The following BCAT1 variants were observed in gnomAD, a reference collection of about 807,000 sequenced individuals.
BCAT1 encodes branched chain amino acid transaminase 1.
Under a neutral mutation model 52.4 loss-of-function variants are expected in BCAT1, and 48 were observed. The ratio of observed to expected loss-of-function variants is 0.92; its 90% confidence interval spans 0.73 to 1.16. The LOEUF (loss-of-function observed/expected upper bound fraction) is 1.16. Ranked by LOEUF, BCAT1 falls within the 50% of genes most tolerant of loss-of-function variation. The probability of loss-of-function intolerance (pLI) is 0.00; values close to 1 mark genes in which losing one functional copy is unlikely to be tolerated. For synonymous variants in BCAT1, 167 were observed against 161.3 expected, an observed-to-expected ratio of 1.04 and a Z score of -0.27; for missense variants, 451 against 457.1, an observed-to-expected ratio of 0.99 and a Z score of 0.12.
At chr12:24,917,166 A>G (rs1397418184) in intron 1 of BCAT1, among the ~76,000 whole-genome samples, 1 of 149,518 alleles carries the variant, frequency 6.7e-6, no homozygotes, top group Non-Finnish European at 1.5e-5. Flanking sequence ...ATCTGCATGA[A>G]TGCATCAGTT....
intron 1 of BCAT1, among the ~76,000 whole-genome samples, chr12:24,940,862 C>CA (rs1343867518): frequency 6.6e-6 from 1 of 152,124 alleles, no homozygotes; most frequent in Non-Finnish European, 1.5e-5. Context: ...AGTAAAAGCC[C>CA]AAAATGACCT....
intron 8 of BCAT1, among the ~76,000 whole-genome samples, chr12:24,836,232 G>A (rs1940917963): frequency 1.3e-5 from 2 of 152,106 alleles, no homozygotes. Context: ...GACAAAAGTT[G>A]GTGGGAGATA....
At chr12:24,865,084 T>C (rs191579255) in intron 5 of BCAT1, among the ~76,000 whole-genome samples, 2 of 152,220 alleles carry the variant, frequency 1.3e-5, no homozygotes, top group Admixed American at 1.3e-4. Context: ...TCTTTTCATC[T>C]CTATCTACAG....
intron 5 of BCAT1, among the ~76,000 whole-genome samples, chr12:24,854,959 C>A (rs1941627376): frequency 6.6e-6 from 1 of 152,226 alleles, no homozygotes; most frequent in Non-Finnish European, 1.5e-5. Context: ...AGCGGGGATA[C>A]CTCTTAGGGA....
intron 1 of BCAT1, among the ~76,000 whole-genome samples, chr12:24,922,163 CT>C (rs1167853548): frequency 1.3e-5 from 2 of 151,900 alleles, no homozygotes; most frequent in African/African-American, 2.4e-5. Context: ...AAGATTGTTC[CT>C]TTTTTTTGAG....
chr12:24,932,203 G>C (rs1546197), intron 1 of BCAT1, among the ~76,000 whole-genome samples: 62,638 of 151,908 alleles, frequency 0.41, 13,323 homozygotes, highest in Middle Eastern at 0.65. Context: ...TTTAAAAATG[G>C]AATTCCATCT....
chr12:24,933,213 C>G (rs34165520), intron 1 of BCAT1, among the ~76,000 whole-genome samples: 1 of 147,798 alleles, frequency 6.8e-6, no homozygotes, highest in African/African-American at 2.5e-5. Context: ...AAGTAACCCT[C>G]GGGCCTCAGC....
At chr12:24,875,192 A>G (rs978507732) in intron 5 of BCAT1, among the ~76,000 whole-genome samples, 4 of 152,166 alleles carry the variant, frequency 2.6e-5, no homozygotes, top group African/African-American at 9.7e-5. Flanking sequence ...AGTACTTCAC[A>G]TATCAAATGT....
intron 3 of BCAT1, among the ~76,000 whole-genome samples, chr12:24,884,355 T>C (rs1434081054): frequency 6.6e-6 from 1 of 152,120 alleles, no homozygotes; most frequent in Admixed American, 6.5e-5. Flanking sequence ...GGTTGGGGAA[T>C]TGGAAGATGT....
intron 5 of BCAT1, among the ~76,000 whole-genome samples, chr12:24,862,089 C>A (rs1048422306): frequency 6.6e-6 from 1 of 152,202 alleles, no homozygotes; most frequent in Non-Finnish European, 1.5e-5. Flanking sequence ...GAATAATCCA[C>A]CCCTTGCTTA....
At chr12:24,908,013 T>C (rs912885169) in intron 1 of BCAT1, among the ~76,000 whole-genome samples, 1 of 152,212 alleles carries the variant, frequency 6.6e-6, no homozygotes, top group Non-Finnish European at 1.5e-5. Flanking sequence ...GTTAAAAATC[T>C]GTTGAACTGC....
At chr12:24,850,208 G>A (rs543487883) in intron 5 of BCAT1, among the ~76,000 whole-genome samples, 9 of 152,266 alleles carry the variant, frequency 5.9e-5, no homozygotes, top group South Asian at 4.1e-4. Flanking sequence ...CCATTTTTGC[G>A]TGTTAGTAGG....
At chr12:24,894,541 GA>G in intron 2 of BCAT1, 66 bp from the exon 3 acceptor site, 1 of 1,295,556 alleles carries the variant, frequency 7.7e-7, no homozygotes, top group African/African-American at 1.5e-5. Context: ...AGATTATACA[GA>G]GGGGAAAAAA....
intron 3 of BCAT1, 111 bp from the exon 4 acceptor site, chr12:24,881,522 A>T: frequency 1.5e-6 from 1 of 653,850 alleles, no homozygotes; most frequent in Non-Finnish European, 2.7e-6. Flanking sequence ...AAAGCTGTTG[A>T]CATTGACCTC....
chr12:24,902,274 C>T (rs773295605), intron 1 of BCAT1: 2 of 1,335,812 alleles, frequency 1.5e-6, no homozygotes, highest in Non-Finnish European at 1.9e-6. Flanking sequence ...AGGGCGCGCT[C>T]AGCCTCGTGG....
At chr12:24,846,632 A>C (rs1265260922) in intron 6 of BCAT1, among the ~76,000 whole-genome samples, 1 of 152,242 alleles carries the variant, frequency 6.6e-6, no homozygotes, top group Non-Finnish European at 1.5e-5. Context: ...TCACAACATC[A>C]GTGACTGTGA....
chr12:24,919,385 G>C (rs920922082), intron 1 of BCAT1, among the ~76,000 whole-genome samples: 1 of 152,128 alleles, frequency 6.6e-6, no homozygotes, highest in Admixed American at 6.5e-5. Context: ...TTAAGCTGTA[G>C]CTCCATTGTC....
At chr12:24,854,388 AT>A (rs5797106) in intron 5 of BCAT1, among the ~76,000 whole-genome samples, 139,589 of 152,048 alleles carry the variant, frequency 0.92, 64,366 homozygotes, top group East Asian at 1. Flanking sequence ...AAGCAAGACA[AT>A]TTTTTTTTTA....
At chr12:24,901,948 C>T (rs375979907) in intron 1 of BCAT1, 63 bp from the exon 2 acceptor site, 27 of 1,612,726 alleles carry the variant, frequency 1.7e-5, no homozygotes, top group Non-Finnish European at 2.2e-5. Flanking sequence ...CCGGGGTAAC[C>T]TACGTGACGC....
Sources: allele counts gnomAD v4.1 joint callset (sites outside exome capture counted in the v4.1 genomes callset), GRCh38; gene constraint gnomAD v4.1.1; transcripts MANE v1.5; gene names NCBI Gene and HGNC (gene_info 2026-07-23, HGNC 2026-07-21).